BICD1: variants seen among roughly 807,000 people sequenced by gnomAD.
The protein encoded by BICD1 is BICD cargo adaptor 1, also known as protein bicaudal D homolog 1.
In BICD1, 35 loss-of-function variants were observed where a neutral mutation model predicts 92.5. That is an observed-to-expected ratio of 0.38 (90% confidence interval 0.29 to 0.50). BICD1 has a LOEUF of 0.50. Among genes scored for constraint, BICD1 ranks in the 20% least tolerant of loss-of-function variants. The pLI, the probability that BICD1 is intolerant of heterozygous loss-of-function variation, is 0.93. For missense variants in BICD1, 950 were observed against 1,189.8 expected (o/e 0.80, Z 2.97); for synonymous variants, 429 against 465.1 (o/e 0.92, Z 1.00).
intron 5 of BICD1, among the ~76,000 whole-genome samples, chr12:32,330,871 A>T (rs1434336765): frequency 6.6e-6 from 1 of 152,230 alleles, no homozygotes; most frequent in Non-Finnish European, 1.5e-5. Context: ...GCAATGGCTC[A>T]CGCCTGTAAT....
intron 1 of BICD1, among the ~76,000 whole-genome samples, chr12:32,135,391 T>C (rs1460550186): frequency 3.8e-5 from 1 of 26,608 alleles, no homozygotes; most frequent in Non-Finnish European, 1.1e-4. Context: ...CGTGGCTTTT[T>C]TTTTTTTTTT....
rs775825494 is a variant in BICD1 at position 32,338,910 on chromosome 12, C to A, written c.2695C>A (p.Pro899Thr). 2.5e-6 allele frequency: 4 copies of A among 1,608,740 alleles called. No individual in the cohort carries two copies. The highest frequency in any genetic ancestry group is 1.1e-5 in the South Asian group (1 of 89,884). Reference protein sequence around the residue: ...STESFLLKGPPSMSEFIQGHR... With the variant: ...STESFLLKGPTSMSEFIQGHR... ...AGAATCATTTCTTCTGAAGGGCCCC[C>A]CTTCCATGAGTGAATTCATCCAAGG... Residue 899 changes from proline to threonine, a missense_variant, in exon 8 of 10, where the codon CCT becomes ACT. Physicochemically the swap from Pro to Thr is conservative, Grantham distance 38 (BLOSUM62 -1). Transcript: ENST00000652176.
rs1331912415 is a variant in BICD1, at chr12:32,140,841, A to C, written c.213+33297A>C. On this transcript the variant is annotated intron_variant, in intron 1 of 9. Transcript: ENST00000652176. ...TTAAGGAAACAGAGCTAAAAAAAAA[A>C]CAAAGGACAATAACTGCATCAACAA... Among the ~76,000 whole-genome samples the C allele has an allele frequency of 2.0e-5, 3 of 152,290 alleles. No homozygotes were observed. In the East Asian group the frequency reaches 5.8e-4, roughly 29 times the overall value.
At chr12:32,291,535 A>AT (rs1345220293) in intron 2 of BICD1, among the ~76,000 whole-genome samples, 58 of 151,038 alleles carry the variant, frequency 3.8e-4, no homozygotes, top group African/African-American at 1.4e-3. Flanking sequence ...CTACCAAAAA[A>AT]AAAAATATAT....
At chr12:32,294,929 A>C (rs890071160) in intron 3 of BICD1, among the ~76,000 whole-genome samples, 2 of 151,902 alleles carry the variant, frequency 1.3e-5, no homozygotes, top group African/African-American at 4.8e-5. Flanking sequence ...TAAAAATACA[A>C]AAATTAGCCA....
chr12:32,223,939 C>T (rs1057038527), intron 2 of BICD1, among the ~76,000 whole-genome samples: 5 of 151,988 alleles, frequency 3.3e-5, no homozygotes, highest in African/African-American at 1.2e-4. Flanking sequence ...AGTTTGCTGT[C>T]TTATATGGAT....
intron 1 of BICD1, among the ~76,000 whole-genome samples, chr12:32,124,753 G>A (rs1442816044): frequency 1.3e-5 from 2 of 152,104 alleles, no homozygotes; most frequent in African/African-American, 4.8e-5. Flanking sequence ...TGTAGAAGAG[G>A]GAAGGCTGGA....
chr12:32,215,825 G>C (rs12317539), intron 1 of BICD1, among the ~76,000 whole-genome samples: 3 of 151,608 alleles, frequency 2.0e-5, no homozygotes, highest in African/African-American at 7.3e-5. Flanking sequence ...GTGTTGGTGG[G>C]CACCTGTAGT....
chr12:32,125,910 A>G (rs117727617), intron 1 of BICD1, among the ~76,000 whole-genome samples: 3,231 of 151,864 alleles, frequency 0.021, 90 homozygotes, highest in East Asian at 0.16. Flanking sequence ...TTAGGCAGAC[A>G]TGGTGGCACA....
At chr12:32,286,680 T>G (rs964014399) in intron 2 of BICD1, among the ~76,000 whole-genome samples, 1 of 152,160 alleles carries the variant, frequency 6.6e-6, no homozygotes, top group Non-Finnish European at 1.5e-5. Flanking sequence ...CCTTTGTGCC[T>G]CCTTCTCAAA....
At chr12:32,238,443 A>G (rs181351352) in intron 2 of BICD1, among the ~76,000 whole-genome samples, 19 of 152,316 alleles carry the variant, frequency 1.2e-4, no homozygotes, top group Admixed American at 1.2e-3. Context: ...TGGAGAAGAC[A>G]CTGTGAAAGT....
intron 1 of BICD1, among the ~76,000 whole-genome samples, chr12:32,198,391 G>A (rs1490160436): frequency 1.5e-5 from 2 of 136,218 alleles, no homozygotes; most frequent in African/African-American, 5.4e-5. Context: ...GAACCTGAAA[G>A]TCCTCCATGG....
At chr12:32,309,414 G>A (rs1199178492) in intron 4 of BICD1, among the ~76,000 whole-genome samples, 1 of 152,130 alleles carries the variant, frequency 6.6e-6, no homozygotes, top group Non-Finnish European at 1.5e-5. Flanking sequence ...AAGGTAATAT[G>A]CAGCATATAC....
At chr12:32,253,998 TTCATTGCGGTATCCCACCTGC>T (rs1946645596) in intron 2 of BICD1, among the ~76,000 whole-genome samples, 33 of 132,342 alleles carry the variant, frequency 2.5e-4, no homozygotes, top group South Asian at 4.8e-4. Context: ...ACCTGCCACA[TTCATTGCGGTATCCCACCTGC>T]CATAATCACT....
intron 2 of BICD1, among the ~76,000 whole-genome samples, chr12:32,232,964 CAAATGGAAAATT>C (rs1341821760): frequency 1.3e-5 from 2 of 152,016 alleles, no homozygotes; most frequent in Admixed American, 6.6e-5. Context: ...AAGCCAGCGC[CAAATGGAAAATT>C]AAATGGAAAA....
At chr12:32,348,123 T>A (rs942571382) in intron 8 of BICD1, among the ~76,000 whole-genome samples, 1 of 152,232 alleles carries the variant, frequency 6.6e-6, no homozygotes, top group Admixed American at 6.5e-5. Context: ...TTTTTGTTTT[T>A]GTTTACTGTT....
chr12:32,160,744 T>A (rs1203753258), intron 1 of BICD1, among the ~76,000 whole-genome samples: 2 of 152,220 alleles, frequency 1.3e-5, no homozygotes, highest in Non-Finnish European at 2.9e-5. Context: ...TGGGTAGATA[T>A]TCCTGTTTGT....
At chr12:32,240,156 A>G (rs1232396952) in intron 2 of BICD1, among the ~76,000 whole-genome samples, 2 of 152,194 alleles carry the variant, frequency 1.3e-5, no homozygotes, top group East Asian at 1.9e-4. Flanking sequence ...ACTACAAACC[A>G]CTGTAATAAC....
rs1938192170 is a variant in BICD1 at position 32,337,715 on chromosome 12, G to A, written c.2469G>A (p.Gly823=). Residue 823 remains glycine (G), a synonymous_variant, in exon 7 of 10, where the codon GGG becomes GGA. Coordinates refer to ENST00000652176, the MANE Select transcript of BICD1 (RefSeq NM_001714.4). This position sits in a 1 kb window ranked among gnomAD's most constrained non-coding sequence, Gnocchi z 4.7. ...AGATCGGCAGCCCTAAAGTAAGTGG[G>A]GAGGCATCAGTCACCGTGCCCACCA... ...KSKIGSPKVS[G]EASVTVPTID... 2 of 1,614,138 alleles carry A rather than the reference G, an allele frequency of 1.2e-6. No individual in the cohort carries two copies. Among genetic ancestry groups the A allele is most frequent in the Non-Finnish European group, 1.7e-6 (2 of 1,180,032 alleles).
Sources: gnomAD v4.1 joint callset for allele counts (sites outside exome capture counted in the v4.1 genomes callset) on GRCh38, gnomAD v4.1.1 for gene constraint, Gnocchi (gnomAD v3.1) non-coding constraint, MANE v1.5 for transcripts, NCBI Gene and HGNC (gene_info 2026-07-23, HGNC 2026-07-21) for gene names.